TAS2R1: variants seen among roughly 807,000 people sequenced by gnomAD.
The protein encoded by TAS2R1 is taste receptor type 2 member 1.
For missense variants in TAS2R1, 370 were observed against 353.4 expected, an observed-to-expected ratio of 1.05 and a Z score of -0.38; for synonymous variants, 141 against 134.2, an observed-to-expected ratio of 1.05 and a Z score of -0.35.
chr5:9,645,762 C>T (rs1740174095), intron 2 of TAS2R1: 1 of 152,182 alleles, frequency 6.6e-6, no homozygotes, highest in Non-Finnish European at 1.5e-5. Context: ...ATCCATCTTG[C>T]CACCATGAGA....
At chr5:9,886,332 T>C in the TAS2R1 span, among the ~76,000 whole-genome samples, 5 of 20,836 alleles carry the variant, frequency 2.4e-4, no homozygotes, top group African/African-American at 4.5e-4. Context: ...GCGCCCAGCA[T>C]TTTTTTTTTT....
At chr5:9,872,054 T>C in the TAS2R1 span, among the ~76,000 whole-genome samples, 1 of 152,250 alleles carries the variant, frequency 6.6e-6, no homozygotes, top group African/African-American at 2.4e-5. Flanking sequence ...GCATAAATAT[T>C]CTATTATATA....
Position 9,701,361 on chromosome 5 carries a change from T to C in TAS2R1, c.-242+10811A>G, listed in dbSNP as rs574666811. Reference sequence around the variant, plus strand: ...TTTACCCATCTGGCAACAAGATGAATGGCAGCTTTTCTAGCTCTAGGTTGA... The same window carrying C: ...TTTACCCATCTGGCAACAAGATGAACGGCAGCTTTTCTAGCTCTAGGTTGA... On this transcript the variant is annotated intron_variant, in intron 1 of 2. Transcript: ENST00000506620. Among the ~76,000 whole-genome samples, 15 of 152,192 alleles carry C rather than the reference T, an allele frequency of 9.9e-5. No individual in the cohort carries two copies. In the East Asian group the frequency reaches 1.4e-3, roughly 14 times the overall value.
At chr5:9,736,002 C>T in the TAS2R1 span, among the ~76,000 whole-genome samples, 2 of 152,198 alleles carry the variant, frequency 1.3e-5, no homozygotes, top group Admixed American at 6.5e-5. Flanking sequence ...GGGCATGCAG[C>T]TTCCTGGTTT....
chr5:9,862,113 T>C, the TAS2R1 span, among the ~76,000 whole-genome samples: 1 of 152,132 alleles, frequency 6.6e-6, no homozygotes, highest in East Asian at 1.9e-4. Context: ...TGCAATCTGA[T>C]TACGAGGAGG....
the TAS2R1 span, among the ~76,000 whole-genome samples, chr5:9,900,904 G>T: frequency 1.2e-4 from 18 of 152,144 alleles, no homozygotes; most frequent in Non-Finnish European, 2.1e-4. Flanking sequence ...TTTAATTTGC[G>T]TGGGGAAGAA....
the TAS2R1 span, among the ~76,000 whole-genome samples, chr5:9,718,893 T>A: frequency 6.6e-6 from 1 of 152,030 alleles, no homozygotes; most frequent in Non-Finnish European, 1.5e-5. Flanking sequence ...AAAATCAATG[T>A]CTTAAAAGGC....
the TAS2R1 span, among the ~76,000 whole-genome samples, chr5:9,829,714 G>C: frequency 6.6e-6 from 1 of 152,254 alleles, no homozygotes; most frequent in Non-Finnish European, 1.5e-5. Flanking sequence ...GCAGGGAACT[G>C]TCCCTTCAGC....
chr5:9,867,618 A>T, the TAS2R1 span, among the ~76,000 whole-genome samples: 1 of 152,112 alleles, frequency 6.6e-6, no homozygotes, highest in East Asian at 1.9e-4. Context: ...TTGGGTGGGG[A>T]CACAGCCAAA....
chr5:9,848,752 G>C, the TAS2R1 span, among the ~76,000 whole-genome samples: 1 of 151,880 alleles, frequency 6.6e-6, no homozygotes, highest in Non-Finnish European at 1.5e-5. Flanking sequence ...ATAAAGTTGG[G>C]GAGATATTTT....
At chr5:9,667,589 C>T (rs1740662205) in intron 1 of TAS2R1, among the ~76,000 whole-genome samples, 2 of 152,070 alleles carry the variant, frequency 1.3e-5, no homozygotes, top group South Asian at 4.1e-4. Context: ...CAGCTTTGGC[C>T]CCTGCCCGAG....
the TAS2R1 span, among the ~76,000 whole-genome samples, chr5:9,756,807 T>C: frequency 6.6e-6 from 1 of 152,156 alleles, no homozygotes; most frequent in Non-Finnish European, 1.5e-5. Flanking sequence ...TTTGATTAGA[T>C]CATAAGCACC....
At chr5:9,900,065 G>A in the TAS2R1 span, among the ~76,000 whole-genome samples, 2 of 152,174 alleles carry the variant, frequency 1.3e-5, no homozygotes, top group African/African-American at 4.8e-5. Context: ...AGTTTCATAA[G>A]GGCAGTCATG....
At chr5:9,775,673 G>T in the TAS2R1 span, among the ~76,000 whole-genome samples, 1 of 152,020 alleles carries the variant, frequency 6.6e-6, no homozygotes, top group Non-Finnish European at 1.5e-5. Flanking sequence ...GCCAGGACTG[G>T]GTTCTTCCCT....
chr5:9,821,811 AAAC>A, the TAS2R1 span, among the ~76,000 whole-genome samples: 4 of 152,248 alleles, frequency 2.6e-5, no homozygotes, highest in South Asian at 2.1e-4. Context: ...CTTGAGACAA[AAAC>A]AACACTTTCA....
chr5:9,740,844 T>G, the TAS2R1 span, among the ~76,000 whole-genome samples: 1 of 152,212 alleles, frequency 6.6e-6, no homozygotes, highest in Non-Finnish European at 1.5e-5. Flanking sequence ...CCGTAATCAT[T>G]TGAATTTTTA....
At chr5:9,686,975 T>C (rs991258045) in intron 1 of TAS2R1, among the ~76,000 whole-genome samples, 19 of 152,150 alleles carry the variant, frequency 1.2e-4, no homozygotes, top group South Asian at 2.1e-4. Flanking sequence ...TATTTATTCA[T>C]TTTTTTGAGA....
the TAS2R1 span, among the ~76,000 whole-genome samples, chr5:9,884,998 T>G: frequency 1.1e-4 from 17 of 152,102 alleles, no homozygotes; most frequent in African/African-American, 3.9e-4. Flanking sequence ...ATTTACTGAG[T>G]GTCTACTATG....
chr5:9,750,377 C>G, the TAS2R1 span, among the ~76,000 whole-genome samples: 1 of 152,122 alleles, frequency 6.6e-6, no homozygotes, highest in African/African-American at 2.4e-5. Context: ...CCAGCCTAGT[C>G]CCTTTAGTAA....
Sources: gnomAD v4.1 joint callset for allele counts (sites outside exome capture counted in the v4.1 genomes callset) on GRCh38, gnomAD v4.1.1 for gene constraint, MANE v1.5 for transcripts, NCBI Gene and HGNC (gene_info 2026-07-23, HGNC 2026-07-21) for gene names.